Variants in KHDRBS2 observed in about 807,000 individuals in gnomAD.
KHDRBS2 encodes KH RNA binding domain containing, signal transduction associated 2, also known as KH domain-containing, RNA-binding, signal transduction-associated protein 2.
In KHDRBS2, 26 loss-of-function variants were observed where a neutral mutation model predicts 44.3. The ratio of observed to expected loss-of-function variants is 0.59; its 90% CI spans 0.43 to 0.81. The LOEUF is 0.81. Among genes scored for constraint, KHDRBS2 ranks in the 40% least tolerant of loss-of-function variants. KHDRBS2 has a pLI of 0.00. For missense variants in KHDRBS2, 476 were observed against 433.1 expected (o/e 1.10, Z -0.88); for synonymous variants, 194 against 151.1 (o/e 1.28, Z -2.08).
At chr6:61,668,366 A>C in the KHDRBS2 span, among the ~76,000 whole-genome samples, 1 of 151,052 alleles carries the variant, frequency 6.6e-6, no homozygotes, top group East Asian at 2.0e-4. Context: ...GCTGGTATAA[A>C]TTTTTATTCT....
At chr6:61,650,548 T>C in the KHDRBS2 span, among the ~76,000 whole-genome samples, 1 of 152,114 alleles carries the variant, frequency 6.6e-6, no homozygotes, top group Non-Finnish European at 1.5e-5. Flanking sequence ...TCTCTCTTTT[T>C]AAGGGTTAAC....
intron 1 of KHDRBS2, among the ~76,000 whole-genome samples, chr6:62,197,766 C>T (rs1003765074): frequency 6.6e-6 from 1 of 152,178 alleles, no homozygotes; most frequent in African/African-American, 2.4e-5. Flanking sequence ...CTCTCTACCC[C>T]AAATCAACAG....
At chr6:62,263,514 A>G (rs1290888387) in intron 1 of KHDRBS2, among the ~76,000 whole-genome samples, 2 of 151,708 alleles carry the variant, frequency 1.3e-5, no homozygotes, top group African/African-American at 4.8e-5. Flanking sequence ...GCAGAGTGAT[A>G]ATCTGTTAAT....
At chr6:61,975,128 G>A (rs1772297602) in intron 4 of KHDRBS2, among the ~76,000 whole-genome samples, 1 of 152,072 alleles carries the variant, frequency 6.6e-6, no homozygotes, top group Non-Finnish European at 1.5e-5. Flanking sequence ...CTCACAAGGA[G>A]TTCTATGTTC....
rs1382087520 is a variant in KHDRBS2, at chr6:62,113,938, A to C, written c.219+63247T>G. On this transcript the variant is annotated intron_variant, in intron 2 of 8. Transcript: ENST00000281156. ...TAACAGAAGGAGTTTTAACTGACTC[A>C]CAGTTCCGCATGGCTGGAAGACCTC... Among the ~76,000 whole-genome samples the C allele has an allele frequency of 4.6e-5, 7 of 152,126 alleles. No individual in the cohort carries two copies. In the East Asian group the frequency reaches 1.3e-3, roughly 29 times the overall value.
chr6:62,178,659 T>A (rs1821634978), intron 1 of KHDRBS2, among the ~76,000 whole-genome samples: 1 of 151,572 alleles, frequency 6.6e-6, no homozygotes. Flanking sequence ...TGCAATGCAC[T>A]ATGTAAAATA....
At chr6:61,966,109 A>G (rs1489213549) in intron 4 of KHDRBS2, among the ~76,000 whole-genome samples, 2 of 147,744 alleles carry the variant, frequency 1.4e-5, no homozygotes, top group East Asian at 3.9e-4. Flanking sequence ...TTCTAACTGT[A>G]CTATAATTGA....
intron 2 of KHDRBS2, among the ~76,000 whole-genome samples, chr6:62,062,071 G>T (rs1584441462): frequency 1.3e-5 from 2 of 151,152 alleles, no homozygotes; most frequent in South Asian, 2.1e-4. Context: ...TCAACAAGAA[G>T]AGCTAACTAT....
At chr6:61,623,709 A>G in the KHDRBS2 span, among the ~76,000 whole-genome samples, 1 of 152,204 alleles carries the variant, frequency 6.6e-6, no homozygotes, top group Non-Finnish European at 1.5e-5. Context: ...TACCCACCAC[A>G]ATTGCTTCAG....
At chr6:61,684,933 G>A (rs538339305) in intron 8 of KHDRBS2, among the ~76,000 whole-genome samples, 77 of 151,284 alleles carry the variant, frequency 5.1e-4, no homozygotes, top group African/African-American at 1.8e-3. Context: ...GAATAATAAA[G>A]CATCACTAAA....
At chr6:61,823,453 C>A (rs1217803772) in intron 6 of KHDRBS2, among the ~76,000 whole-genome samples, 1 of 152,004 alleles carries the variant, frequency 6.6e-6, no homozygotes, top group African/African-American at 2.4e-5. Context: ...AAAAAGATTG[C>A]AGAGATTGGG....
intron 1 of KHDRBS2, among the ~76,000 whole-genome samples, chr6:62,262,234 C>T (rs1443436691): frequency 6.6e-6 from 1 of 151,680 alleles, no homozygotes; most frequent in East Asian, 1.9e-4. Flanking sequence ...ACACATACCA[C>T]AGTATTTGGA....
chr6:61,780,233 G>C lies in KHDRBS2; in HGVS notation c.811-47469C>G, dbSNP rs530756582. Among the ~76,000 whole-genome samples the C allele has an allele frequency of 2.1e-3, 324 of 152,300 alleles. 3 individuals are homozygous for C. Among genetic ancestry groups the C allele is most frequent in the African/African-American group, 7.5e-3 (313 of 41,568 alleles). Reference sequence around the variant, plus strand: ...CACTTGTTGAAGGCCGGATGCGGTGGCTCATGCCTGTAATCCCAGCACTTT... The same window carrying C: ...CACTTGTTGAAGGCCGGATGCGGTGCCTCATGCCTGTAATCCCAGCACTTT... On this transcript the variant is annotated intron_variant, in intron 6 of 8. Coordinates refer to ENST00000281156, the MANE Select transcript of KHDRBS2 (RefSeq NM_152688.4).
the KHDRBS2 span, among the ~76,000 whole-genome samples, chr6:61,559,019 G>T: frequency 1.3e-5 from 2 of 152,086 alleles, no homozygotes; most frequent in Non-Finnish European, 2.9e-5. Flanking sequence ...TGATGCTGAA[G>T]TCTCCAGTTC....
chr6:61,599,822 A>T, the KHDRBS2 span, among the ~76,000 whole-genome samples: 1 of 152,228 alleles, frequency 6.6e-6, no homozygotes, highest in African/African-American at 2.4e-5. Flanking sequence ...CACTGGAAAG[A>T]ACCTGAAAAT....
chr6:62,022,934 A>C (rs558548374), intron 3 of KHDRBS2, among the ~76,000 whole-genome samples: 2 of 151,860 alleles, frequency 1.3e-5, no homozygotes, highest in South Asian at 2.1e-4. Flanking sequence ...AGCAGCTTTC[A>C]AATTGAAGTA....
the KHDRBS2 span, among the ~76,000 whole-genome samples, chr6:61,542,868 C>G: frequency 2.0e-5 from 3 of 151,834 alleles, no homozygotes; most frequent in Admixed American, 6.6e-5. Context: ...TTTGGCCCTG[C>G]TGGAAACAGA....
chr6:61,702,972 C>G (rs1369485290), intron 7 of KHDRBS2, among the ~76,000 whole-genome samples: 1 of 151,720 alleles, frequency 6.6e-6, no homozygotes, highest in Non-Finnish European at 1.5e-5. Context: ...AAAAATTATA[C>G]CTGCTATAAC....
At chr6:61,556,792 G>A in the KHDRBS2 span, among the ~76,000 whole-genome samples, 1 of 150,600 alleles carries the variant, frequency 6.6e-6, no homozygotes, top group Non-Finnish European at 1.5e-5. Context: ...ATATTCAAAA[G>A]GCATGTACTA....
Sources: gnomAD v4.1 joint callset for allele counts (sites outside exome capture counted in the v4.1 genomes callset) on GRCh38, gnomAD v4.1.1 for gene constraint, MANE v1.5 for transcripts, NCBI Gene and HGNC (gene_info 2026-07-23, HGNC 2026-07-21) for gene names.